ACOD1: variants seen among roughly 807,000 people sequenced by gnomAD.
The protein encoded by ACOD1 is cis-aconitate decarboxylase.
Under a neutral mutation model 14.2 loss-of-function variants are expected in ACOD1, and 14 were observed. That is an observed-to-expected ratio of 0.99 (90% CI 0.65 to 1.54). ACOD1 has a LOEUF of 1.54. ACOD1 is among the 40% of genes most tolerant of loss of function. The pLI is 0.00. For synonymous variants in ACOD1, 182 were observed against 221.7 expected (o/e 0.82, Z 1.59); for missense variants, 530 against 586.3 (o/e 0.90, Z 0.99).
At chr13:76,949,267 A>G (rs1037074556) in intron 1 of ACOD1, among the ~76,000 whole-genome samples, 4 of 141,778 alleles carry the variant, frequency 2.8e-5, no homozygotes, top group African/African-American at 1.2e-4. Context: ...CTCCGTCTTG[A>G]AAAAAAAAAA....
chr13:76,950,632 C>A (rs907181808), intron 1 of ACOD1, among the ~76,000 whole-genome samples: 3 of 152,188 alleles, frequency 2.0e-5, no homozygotes, highest in African/African-American at 7.2e-5. Context: ...GCTCCTCTTC[C>A]TGTGTTCTCT....
chr13:76,951,016 A>G (rs751334008), intron 1 of ACOD1, among the ~76,000 whole-genome samples: 2 of 152,022 alleles, frequency 1.3e-5, no homozygotes, highest in Non-Finnish European at 2.9e-5. Flanking sequence ...TCATCACCCT[A>G]CACTATTATC....
Position 76,957,646 on chromosome 13 carries a change from G to A in ACOD1, c.1107G>A (p.Val369=), listed in dbSNP as rs981889096. 2 of 1,550,512 alleles carry A rather than the reference G, an allele frequency of 1.3e-6. No individual in the cohort carries two copies. Among genetic ancestry groups the A allele is most frequent in the African/African-American group, 2.7e-5 (2 of 73,046 alleles). The part of the protein sequence containing the change: ...RPQVRELLSK[V]ELEYPPDNLP... ...AGGTGAGAGAGCTGCTCAGTAAGGT[G>A]GAGCTGGAGTACCCTCCGGACAACT... The change falls in exon 5 of 5, where the codon GTG becomes GTA. Residue 369 remains valine (V), a synonymous_variant. Transcript: ENST00000377462.
intron 4 of ACOD1, among the ~76,000 whole-genome samples, chr13:76,956,132 A>G (rs1295099019): frequency 6.6e-6 from 1 of 152,268 alleles, no homozygotes; most frequent in Non-Finnish European, 1.5e-5. Context: ...ACTATGTGCT[A>G]GCACTATTGT....
At chr13:76,952,434 G>T in intron 1 of ACOD1, 55 bp from the exon 2 acceptor site, 1 of 1,493,200 alleles carries the variant, frequency 6.7e-7, no homozygotes, top group Non-Finnish European at 9.0e-7. Flanking sequence ...TTATAGAACA[G>T]AAGTGTGTAA....
At chr13:76,952,276 G>A (rs2033829282) in intron 1 of ACOD1, among the ~76,000 whole-genome samples, 1 of 151,856 alleles carries the variant, frequency 6.6e-6, no homozygotes, top group South Asian at 2.1e-4. Context: ...AAGATAAACT[G>A]GCTGCTGTGT....
chr13:76,954,182 T>G (rs1231454890), intron 3 of ACOD1, among the ~76,000 whole-genome samples: 1 of 152,228 alleles, frequency 6.6e-6, no homozygotes, highest in East Asian at 1.9e-4. Flanking sequence ...TTATGCTTTT[T>G]CTGTGTGTCA....
At position 76,957,292 on chromosome 13, in the gene ACOD1, A is replaced by C. The variant is rs777269738; in HGVS notation, c.753A>C (p.Pro251=). The part of the protein sequence containing the change: ...GFGAFYANYS[P]KVLPSIASYS... Reference sequence around the variant, plus strand: ...GGGCCTTTTATGCCAACTATTCCCCAAAAGTCCTTCCAAGCATAGCTTCCT... The same window carrying C: ...GGGCCTTTTATGCCAACTATTCCCCCAAAGTCCTTCCAAGCATAGCTTCCT... The change falls in exon 5 of 5, where the codon CCA becomes CCC. Residue 251 remains proline (P), a synonymous_variant. Coordinates refer to ENST00000377462, the MANE Select transcript of ACOD1 (RefSeq NM_001258406.2). The C allele has an allele frequency of 6.4e-7, 1 of 1,550,636 alleles. No individual in the cohort carries two copies. Among genetic ancestry groups the C allele is most frequent in the South Asian group, 1.2e-5 (1 of 84,070 alleles).
chr13:76,956,927 A>G, intron 4 of ACOD1, 83 bp from the exon 5 acceptor site: 1 of 1,383,976 alleles, frequency 7.2e-7, no homozygotes, highest in Non-Finnish European at 9.7e-7. Flanking sequence ...TGACTCCATT[A>G]TCAATGTTCT....
chr13:76,952,716 A>C (rs535407164), intron 2 of ACOD1, 66 bp downstream of exon 2: 2 of 1,385,734 alleles, frequency 1.4e-6, no homozygotes, highest in East Asian at 2.5e-5. Flanking sequence ...CATTTACTCT[A>C]TACTTCGTTT....
Position 76,952,549 on chromosome 13 carries a change from C to T in ACOD1, c.73C>T (p.Arg25Cys), listed in dbSNP as rs1426756618. ...HGLKVGHLTD[R>C]VIQRSKRMIL... ...CTTGAAAGTGGGACACCTGACAGAT[C>T]GTGTTATTCAGAGGAGCAAGAGGAT... The change falls in exon 2 of 5, where the codon CGT (arginine) becomes TGT (cysteine). Residue 25 changes from arginine to cysteine, a missense_variant. Coordinates refer to ENST00000377462, the MANE Select transcript of ACOD1 (RefSeq NM_001258406.2). 6.5e-6 allele frequency: 10 copies of T among 1,550,158 alleles called. No individual in the cohort carries two copies. The highest frequency in any genetic ancestry group is 1.4e-5 in the African/African-American group (1 of 72,998).
At chr13:76,951,598 C>A (rs2033821852) in intron 1 of ACOD1, among the ~76,000 whole-genome samples, 1 of 152,180 alleles carries the variant, frequency 6.6e-6, no homozygotes, top group African/African-American at 2.4e-5. Flanking sequence ...TGCTTTATAT[C>A]CTTTTTTTCC....
intron 1 of ACOD1, among the ~76,000 whole-genome samples, chr13:76,949,018 C>G (rs1423599275): frequency 6.6e-6 from 1 of 152,182 alleles, no homozygotes; most frequent in African/African-American, 2.4e-5. Context: ...GTAATCCCAG[C>G]ACTTTGGGAG....
In ACOD1 at chr13:76,957,328, G is replaced by A; in HGVS notation, c.789G>A (p.Leu263=). 1 of 1,550,654 alleles carries A rather than the reference G, an allele frequency of 6.4e-7. No individual in the cohort carries two copies. Among genetic ancestry groups the A allele is most frequent in the Non-Finnish European group, 8.7e-7 (1 of 1,147,010 alleles). Residue 263 remains leucine (L), a synonymous_variant, in exon 5 of 5, where the codon CTG becomes CTA. Coordinates refer to ENST00000377462, the MANE Select transcript of ACOD1 (RefSeq NM_001258406.2). ...CAAGCATAGCTTCCTACAGTTGGCT[G>A]CTGGACCAGCAGGACGTGGCCTTTA... ...VLPSIASYSW[L]LDQQDVAFKR...
intron 1 of ACOD1, among the ~76,000 whole-genome samples, chr13:76,950,182 C>A (rs1015652046): frequency 6.6e-6 from 1 of 152,152 alleles, no homozygotes; most frequent in Non-Finnish European, 1.5e-5. Flanking sequence ...TATCAAAGAA[C>A]CCCAGATACC....
At chr13:76,956,912 C>T (rs907454215) in intron 4 of ACOD1, 98 bp from the exon 5 acceptor site, 2 of 1,265,144 alleles carry the variant, frequency 1.6e-6, no homozygotes, top group Middle Eastern at 2.1e-4. Flanking sequence ...TGAACCCAGA[C>T]AGTGTGACTC....
chr13:76,953,120 A>G (rs879497567), intron 2 of ACOD1, among the ~76,000 whole-genome samples: 2 of 152,208 alleles, frequency 1.3e-5, no homozygotes, highest in Non-Finnish European at 2.9e-5. Context: ...CAGCCAAGGC[A>G]ACAGAGCATG....
chr13:76,948,940 C>T (rs2033795382), intron 1 of ACOD1, among the ~76,000 whole-genome samples: 1 of 152,164 alleles, frequency 6.6e-6, no homozygotes, highest in Non-Finnish European at 1.5e-5. Context: ...ACTTGGCAGT[C>T]TTGAGAGCTT....
Position 76,957,385 on chromosome 13 carries a change from G to T in ACOD1, c.846G>T (p.Trp282Cys). The T allele has an allele frequency of 4.5e-6, 7 of 1,550,642 alleles. No homozygotes were observed. Among genetic ancestry groups the T allele is most frequent in the Non-Finnish European group, 6.1e-6 (7 of 1,147,014 alleles). The change falls in exon 5 of 5, where the codon TGG becomes TGT. Residue 282 changes from tryptophan (W) to cysteine (C), a missense_variant. Physicochemically the swap from Trp to Cys is radical, Grantham distance 215 (BLOSUM62 -2). Transcript: ENST00000377462. ...KRFPAHLSTH[W>C]VADAAASVRK... ...TTCCTGCACATTTATCTACCCACTG[G>T]GTGGCAGACGCAGCTGCATCTGTGA...
Sources: allele counts gnomAD v4.1 joint callset (sites outside exome capture counted in the v4.1 genomes callset), GRCh38; gene constraint gnomAD v4.1.1; transcripts MANE v1.5; gene names NCBI Gene and HGNC (gene_info 2026-07-23, HGNC 2026-07-21).